Variants in YJEFN3 observed in about 807,000 individuals in gnomAD.
YJEFN3 encodes YjeF N-terminal domain containing 3.
A neutral mutation model predicts 31.5 loss-of-function variants in YJEFN3; 29 were observed. That is an observed-to-expected ratio of 0.92 (90% CI 0.69 to 1.26). The LOEUF is 1.26. Ranked by LOEUF, YJEFN3 falls within the 50% of genes most tolerant of loss-of-function variation. YJEFN3 has a pLI of 0.00. For missense variants in YJEFN3, 442 were observed against 425.4 expected, an observed-to-expected ratio of 1.04 and a Z score of -0.34; for synonymous variants, 227 against 196.1, an observed-to-expected ratio of 1.16 and a Z score of -1.32.
chr19:19,530,991 T>C (rs1459834119), intron 2 of YJEFN3, among the ~76,000 whole-genome samples: 1 of 152,158 alleles, frequency 6.6e-6, no homozygotes, highest in African/African-American at 2.4e-5. Context: ...CCCTTGAACA[T>C]ACCAGGCTCC....
chr19:19,531,900 G>A (rs2061160533), intron 2 of YJEFN3, among the ~76,000 whole-genome samples: 1 of 151,560 alleles, frequency 6.6e-6, no homozygotes, highest in African/African-American at 2.4e-5. Flanking sequence ...CACCATGCCT[G>A]GCTAATTTTT....
At chr19:19,533,642 CT>C (rs1479344785) in intron 3 of YJEFN3, 1 of 984,578 alleles carries the variant, frequency 1.0e-6, no homozygotes, top group Non-Finnish European at 1.2e-6. Context: ...CTCCTCACCC[CT>C]CCTCCTCTTT....
In YJEFN3 at chr19:19,529,458, T is replaced by TG. The variant is rs1289845243; in HGVS notation, c.158dup (p.Arg54LysfsTer47). 2 of 1,614,150 alleles carry TG rather than the reference T, an allele frequency of 1.2e-6. No individual in the cohort carries two copies. Among genetic ancestry groups the TG allele is most frequent in the South Asian group, 2.2e-5 (2 of 91,084 alleles). ...CCTTGTCCAGAGGAGGAAACAGGCC[T>TG]GGGGAAGGCAGTCATGGCTAGAGCA... On this transcript the variant is annotated frameshift_variant, in exon 2 of 7. Transcript: ENST00000514277. LOFTEE classifies it high-confidence loss of function.
At position 19,534,537 on chromosome 19, in the gene YJEFN3, C is replaced by G. The variant is rs576238876; in HGVS notation, c.319-497C>G. On this transcript the variant is annotated intron_variant, in intron 3 of 6. Transcript: ENST00000514277. This position sits in a 1 kb window ranked among gnomAD's most constrained non-coding sequence, Gnocchi z 4.6. ...AGACATGAAGAGAGCCAGAGACATACAGAGAGACAGAGACACACAGAGAGA... is the reference window on the plus strand; with the variant it reads ...AGACATGAAGAGAGCCAGAGACATAGAGAGAGACAGAGACACACAGAGAGA... The G allele has an allele frequency of 6.6e-6, 1 of 152,492 alleles. No individual in the cohort carries two copies. The highest frequency in any genetic ancestry group is 1.5e-5 in the Non-Finnish European group (1 of 68,778). The allele number at this position is 152,492 out of a possible 1,614,324, so 9.4% of individuals were successfully genotyped here.
At position 19,528,915 on chromosome 19, in the gene YJEFN3, C is replaced by G. The variant is rs1335350647; in HGVS notation, c.-18C>G. The stretch of plus-strand genomic sequence containing the variant: ...GTGGCGGTGGCGGCAGCGCCCGGCG[C>G]CCGGGCTCACCTCGGCCATGAGCAG... On this transcript the variant is annotated 5_prime_UTR_variant, in exon 1 of 7. Transcript: ENST00000514277. 2.6e-6 allele frequency: 4 copies of G among 1,546,958 alleles called. No homozygotes were observed. The East Asian group carries it at 7.3e-5, about 28-fold the overall frequency.
intron 3 of YJEFN3, chr19:19,533,547 C>CCCT: frequency 1.4e-6 from 1 of 712,804 alleles, no homozygotes; most frequent in Non-Finnish European, 1.7e-6. Flanking sequence ...TCCTTCCTCT[C>CCCT]CCTCCTCCTC....
At chr19:19,533,899 C>T in intron 3 of YJEFN3, 1 of 985,584 alleles carries the variant, frequency 1.0e-6, no homozygotes, top group Non-Finnish European at 1.2e-6. Flanking sequence ...GGGTCTTGGG[C>T]TCTGGGCCCG....
At chr19:19,536,767 C>G (rs1048000003) in intron 6 of YJEFN3, among the ~76,000 whole-genome samples, 2 of 152,078 alleles carry the variant, frequency 1.3e-5, no homozygotes, top group African/African-American at 4.8e-5. Flanking sequence ...GTCAGGAGTT[C>G]GAGACCAGCC....
At chr19:19,529,803 G>A (rs1181628586) in intron 2 of YJEFN3, among the ~76,000 whole-genome samples, 1 of 152,168 alleles carries the variant, frequency 6.6e-6, no homozygotes, top group African/African-American at 2.4e-5. Flanking sequence ...GCTCTCAGGG[G>A]TGGGTAGGAG....
At chr19:19,537,123 C>T (rs558604204) in intron 6 of YJEFN3, among the ~76,000 whole-genome samples, 196 bp from the exon 7 acceptor site, 1 of 151,578 alleles carries the variant, frequency 6.6e-6, no homozygotes, top group South Asian at 2.1e-4. Context: ...ACAAGTCTCA[C>T]CAGGACCCAT....
In YJEFN3 at chr19:19,535,324, C is replaced by T. The variant is rs766073373; in HGVS notation, c.430-13C>T. The T allele has an allele frequency of 2.5e-6, 4 of 1,611,796 alleles. No individual in the cohort carries two copies. The highest frequency in any genetic ancestry group is 8.5e-7 in the Non-Finnish European group (1 of 1,178,824). ...GGTCAGGGGAGTCTGACCCCCTCTT[C>T]TCCCACCCCCAGGAGTATGAACCCA... On this transcript the variant is annotated splice_polypyrimidine_tract_variant and intron_variant, in intron 4 of 6. Transcript: ENST00000514277.
chr19:19,532,363 C>G (rs1185174084), intron 2 of YJEFN3, among the ~76,000 whole-genome samples: 1 of 152,250 alleles, frequency 6.6e-6, no homozygotes, highest in Non-Finnish European at 1.5e-5. Context: ...GTAGAACCAA[C>G]GCGCGGCCAG....
Position 19,537,515 on chromosome 19 carries a change from G to T in YJEFN3, c.891G>T (p.Ala297=). 1 of 1,560,352 alleles carries T rather than the reference G, an allele frequency of 6.4e-7. No homozygotes were observed. ...LPGYTGTDCV[A]AL ...GATACACGGGCACCGACTGCGTCGC[G>T]GCACTGTGACCGCCACCCGCGGCCA... The change falls in exon 7 of 7, where the codon GCG becomes GCT. Residue 297 remains alanine (A), a synonymous_variant. Transcript: ENST00000514277.
intron 3 of YJEFN3, 131 bp downstream of exon 3, chr19:19,532,871 G>T: frequency 9.2e-7 from 1 of 1,088,594 alleles, no homozygotes; most frequent in Admixed American, 3.0e-5. Context: ...CCAGCCTGAT[G>T]GGTAAACTGA....
chr19:19,533,642 C>G, intron 3 of YJEFN3: 1 of 984,696 alleles, frequency 1.0e-6, no homozygotes. Flanking sequence ...CTCCTCACCC[C>G]TCCTCCTCTT....
chr19:19,535,314 A>AC (rs749566993), intron 4 of YJEFN3, 23 bp from the exon 5 acceptor site: 60 of 1,605,846 alleles, frequency 3.7e-5, no homozygotes, highest in Non-Finnish European at 4.9e-5. Context: ...GGGGAGTCTG[A>AC]CCCCCTCTTC....
chr19:19,537,417 G>C lies in YJEFN3; in HGVS notation c.793G>C (p.Gly265Arg). Residue 265 changes from glycine (G) to arginine (R), a missense_variant, in exon 7 of 7, where the codon GGG (glycine) becomes CGG (arginine). Physicochemically the swap from Gly to Arg is moderately radical, Grantham distance 125. Coordinates refer to ENST00000514277, the MANE Select transcript of YJEFN3 (RefSeq NM_198537.4). ...CAAGCGCTGCGCTGGCCGCTTCTCC[G>C]GGCGCCACCACTTCGTGGCCGGCAG... ...APKRCAGRFS[G>R]RHHFVAGRFV... The C allele has an allele frequency of 1.3e-6, 2 of 1,591,314 alleles. No homozygotes were observed. The highest frequency in any genetic ancestry group is 1.7e-6 in the Non-Finnish European group (2 of 1,174,854).
rs1024890664 is a variant in YJEFN3 at position 19,535,093 on chromosome 19, G to A, written c.378G>A (p.Pro126=). ...KQRTVLVVCG[P]EQNGAVGLVC... is the part of the protein sequence containing the mutation. ...GGACGGTGCTGGTCGTGTGTGGCCCGGAGCAGAACGGGGCAGTGGGGCTGG... is the reference window on the plus strand; with the variant it reads ...GGACGGTGCTGGTCGTGTGTGGCCCAGAGCAGAACGGGGCAGTGGGGCTGG... The change falls in exon 4 of 7, where the codon CCG becomes CCA. Residue 126 remains proline (P), a synonymous_variant. Transcript: ENST00000514277. The A allele has an allele frequency of 5.0e-6, 8 of 1,612,022 alleles. No homozygotes were observed. Among genetic ancestry groups the A allele is most frequent in the Admixed American group, 3.4e-5 (2 of 59,640 alleles).
At chr19:19,530,122 G>A (rs1404760479) in intron 2 of YJEFN3, among the ~76,000 whole-genome samples, 1 of 152,164 alleles carries the variant, frequency 6.6e-6, no homozygotes, top group African/African-American at 2.4e-5. Context: ...CCTGGCCTGA[G>A]GTTTCACCTC....
Sources: gnomAD v4.1 joint callset for allele counts (sites outside exome capture counted in the v4.1 genomes callset) on GRCh38, gnomAD v4.1.1 for gene constraint, Gnocchi (gnomAD v3.1) non-coding constraint, MANE v1.5 for transcripts, NCBI Gene and HGNC (gene_info 2026-07-23, HGNC 2026-07-21) for gene names.